HHAT: variants seen among roughly 807,000 people sequenced by gnomAD.
The protein encoded by HHAT is hedgehog acyltransferase, also known as protein-cysteine N-palmitoyltransferase HHAT.
HHAT carries 47 observed loss-of-function variants against 70.8 expected under a neutral mutation model. The ratio of observed to expected loss-of-function variants is 0.66; its 90% CI spans 0.53 to 0.85. The LOEUF (loss-of-function observed/expected upper bound fraction) is 0.85, where lower values mean the gene tolerates loss of function less well. HHAT is among the 40% of genes least tolerant of loss of function. The pLI is 0.00. For missense variants in HHAT, 609 were observed against 604.8 expected (o/e 1.01, Z -0.07); for synonymous variants, 228 against 247.6 (o/e 0.92, Z 0.74).
intron 11 of HHAT, among the ~76,000 whole-genome samples, chr1:210,655,356 C>T (rs767924242): frequency 6.6e-6 from 1 of 152,206 alleles, no homozygotes; most frequent in African/African-American, 2.4e-5. Context: ...ATGTCAATGG[C>T]GCCCTGTTCT....
intron 7 of HHAT, among the ~76,000 whole-genome samples, chr1:210,457,790 C>G (rs148569213): frequency 3.0e-4 from 45 of 152,234 alleles, no homozygotes; most frequent in African/African-American, 1.1e-3. Context: ...ACTACTCAGA[C>G]CCTTGTGTTT....
intron 8 of HHAT, among the ~76,000 whole-genome samples, chr1:210,477,856 A>G (rs2094329314): frequency 6.6e-6 from 1 of 152,160 alleles, no homozygotes. Flanking sequence ...ATGGACTTGC[A>G]GAGGCTTGGT....
intron 10 of HHAT, among the ~76,000 whole-genome samples, chr1:210,607,058 C>T (rs1258681994): frequency 7.9e-5 from 12 of 152,180 alleles, no homozygotes; most frequent in East Asian, 1.9e-4. Flanking sequence ...AGGGAAACCT[C>T]GTGCTCTATA....
chr1:210,508,781 T>C (rs371403821), intron 8 of HHAT, among the ~76,000 whole-genome samples: 70 of 152,374 alleles, frequency 4.6e-4, no homozygotes, highest in Non-Finnish European at 7.3e-4. Context: ...ATCCGAGTTA[T>C]AGAAATTAGA....
intron 9 of HHAT, among the ~76,000 whole-genome samples, chr1:210,519,379 T>A (rs941230922): frequency 7.2e-5 from 11 of 152,192 alleles, no homozygotes; most frequent in African/African-American, 2.7e-4. Flanking sequence ...GTAGTGGGAT[T>A]GCAGGATCAT....
At chr1:210,473,847 C>T (rs1014531208) in intron 8 of HHAT, among the ~76,000 whole-genome samples, 5 of 152,178 alleles carry the variant, frequency 3.3e-5, no homozygotes, top group Non-Finnish European at 7.3e-5. Context: ...GCTTCTGGGT[C>T]TGCTAGCTCT....
chr1:210,447,231 T>C (rs1029148331), intron 7 of HHAT, among the ~76,000 whole-genome samples: 1 of 152,146 alleles, frequency 6.6e-6, no homozygotes, highest in African/African-American at 2.4e-5. Context: ...CCTCATATGG[T>C]GGTTGAGAGG....
chr1:210,401,902 ACTAT>A (rs917979936), intron 5 of HHAT, among the ~76,000 whole-genome samples: 2 of 144,278 alleles, frequency 1.4e-5, no homozygotes, highest in Admixed American at 1.3e-4. Context: ...ACGGCTCTGG[ACTAT>A]CTGTTTCTGT....
intron 7 of HHAT, among the ~76,000 whole-genome samples, chr1:210,457,175 G>A (rs954520434): frequency 5.9e-5 from 9 of 152,070 alleles, no homozygotes; most frequent in Non-Finnish European, 1.3e-4. Context: ...CTTCACCCCC[G>A]GCGGGGAGAG....
chr1:210,608,082 C>G (rs998349857), intron 10 of HHAT, among the ~76,000 whole-genome samples: 2 of 152,112 alleles, frequency 1.3e-5, no homozygotes, highest in African/African-American at 4.8e-5. Context: ...AGCCATTCTC[C>G]TGTTGAAAAT....
At chr1:210,625,459 C>T (rs1669663835) in intron 11 of HHAT, among the ~76,000 whole-genome samples, 1 of 152,156 alleles carries the variant, frequency 6.6e-6, no homozygotes, top group Non-Finnish European at 1.5e-5. Flanking sequence ...AGGAAGCTCA[C>T]ACGAATGTGA....
chr1:210,513,247 G>A, intron 9 of HHAT, 59 bp downstream of exon 9: 1 of 877,234 alleles, frequency 1.1e-6, no homozygotes. Flanking sequence ...ATGAAAGATT[G>A]AAATGGAAAA....
At chr1:210,536,686 G>A (rs181277186) in intron 9 of HHAT, among the ~76,000 whole-genome samples, 87 of 152,156 alleles carry the variant, frequency 5.7e-4, no homozygotes, top group Admixed American at 4.1e-3. Flanking sequence ...CAGGTGATCA[G>A]GGGCAGTAGC....
At chr1:210,662,223 G>C (rs1372931487) in intron 11 of HHAT, among the ~76,000 whole-genome samples, 1 of 152,136 alleles carries the variant, frequency 6.6e-6, no homozygotes, top group African/African-American at 2.4e-5. Flanking sequence ...TTTGCCCTCA[G>C]CCTTCGGTGG....
At chr1:210,615,047 A>G (rs1209690519) in intron 10 of HHAT, among the ~76,000 whole-genome samples, 2 of 152,150 alleles carry the variant, frequency 1.3e-5, no homozygotes, top group African/African-American at 4.8e-5. Context: ...TAGTGTTCCT[A>G]TTTCTCCACA....
chr1:210,578,022 G>C (rs1196604830), intron 9 of HHAT, among the ~76,000 whole-genome samples: 2 of 152,122 alleles, frequency 1.3e-5, no homozygotes, highest in Non-Finnish European at 2.9e-5. Flanking sequence ...GAGTTTGGAA[G>C]TGTTCTTTTT....
chr1:210,374,105 G>A (rs554686740), intron 3 of HHAT: 6 of 150,780 alleles, frequency 4.0e-5, no homozygotes, highest in South Asian at 2.1e-4. Context: ...TAAGCCTAAA[G>A]TTGCACCATA....
intron 9 of HHAT, among the ~76,000 whole-genome samples, chr1:210,569,373 CAAAAA>C (rs71146233): frequency 0.13 from 3,791 of 28,198 alleles, 145 homozygotes; most frequent in South Asian, 0.27. Flanking sequence ...GAGTCTGCCT[CAAAAA>C]AAAAAAAAAA....
Position 210,602,450 on chromosome 1 carries a change from A to C in HHAT, c.1245+14351A>C, listed in dbSNP as rs113847410. Among the ~76,000 whole-genome samples, 745 of 152,290 alleles carry C rather than the reference A, an allele frequency of 4.9e-3. 7 individuals carry two copies. The highest frequency in any genetic ancestry group is 9.7e-3 in the Admixed American group (148 of 15,282). On this transcript the variant is annotated intron_variant, in intron 10 of 11. Transcript: ENST00000261458. The stretch of plus-strand genomic sequence containing the variant: ...TTGGCTAGGGTCAGGAGGGAGAAGA[A>C]GACTAGCATTGCAGGCTGGGAGAAC...
Sources: allele counts gnomAD v4.1 joint callset (sites outside exome capture counted in the v4.1 genomes callset), GRCh38; gene constraint gnomAD v4.1.1; transcripts MANE v1.5; gene names NCBI Gene and HGNC (gene_info 2026-07-23, HGNC 2026-07-21).